Variants in NAV3 observed in about 807,000 individuals in gnomAD.
NAV3 encodes the protein pore membrane and/or filament interacting like protein 1.
Under a neutral mutation model 244.7 loss-of-function variants are expected in NAV3, and 87 were observed. That is an observed-to-expected ratio of 0.36 (90% CI 0.30 to 0.42). The LOEUF (loss-of-function observed/expected upper bound fraction) is 0.42. Ranked by LOEUF, NAV3 falls within the 20% of genes least tolerant of loss-of-function variation. The pLI is 1.00. For missense variants in NAV3, 2,663 were observed against 2,893.3 expected, an observed-to-expected ratio of 0.92 and a Z score of 1.83; for synonymous variants, 1,126 against 1,042.2, an observed-to-expected ratio of 1.08 and a Z score of -1.55.
chr12:77,866,897 C>A (rs61937401), intron 1 of NAV3, among the ~76,000 whole-genome samples: 1 of 152,148 alleles, frequency 6.6e-6, no homozygotes, highest in Non-Finnish European at 1.5e-5. Flanking sequence ...TACTTACTTT[C>A]ATCTTTAATG....
At chr12:77,983,609 T>C (rs1364946066) in intron 5 of NAV3, among the ~76,000 whole-genome samples, 2 of 152,084 alleles carry the variant, frequency 1.3e-5, no homozygotes, top group East Asian at 1.9e-4. Flanking sequence ...CTTAGCTATG[T>C]TTTATTGATT....
At chr12:77,962,887 G>T (rs1892154763) in intron 3 of NAV3, among the ~76,000 whole-genome samples, 1 of 152,030 alleles carries the variant, frequency 6.6e-6, no homozygotes, top group African/African-American at 2.4e-5. Flanking sequence ...GTGCATATTG[G>T]GTTGTGCTAT....
intron 2 of NAV3, among the ~76,000 whole-genome samples, chr12:77,658,710 A>G (rs552658410): frequency 0.039 from 5,927 of 152,096 alleles, 185 homozygotes; most frequent in African/African-American, 0.052. Context: ...TTCAAACTAT[A>G]CTACAAGGCT....
chr12:78,188,990 G>A (rs116538100), intron 33 of NAV3, among the ~76,000 whole-genome samples: 444 of 151,920 alleles, frequency 2.9e-3, no homozygotes, highest in African/African-American at 0.01. Context: ...AGTTCTTTGG[G>A]TTCTGGGATT....
intron 2 of NAV3, among the ~76,000 whole-genome samples, chr12:77,757,596 T>C (rs1202801868): frequency 6.6e-6 from 1 of 152,182 alleles, no homozygotes; most frequent in African/African-American, 2.4e-5. Flanking sequence ...CTATGCATAG[T>C]GAATAATTTT....
At chr12:78,145,478 G>A (rs1956828395) in intron 20 of NAV3, among the ~76,000 whole-genome samples, 1 of 152,160 alleles carries the variant, frequency 6.6e-6, no homozygotes, top group South Asian at 2.1e-4. Flanking sequence ...TTGTTTTTCA[G>A]CTTTGGATCT....
intron 3 of NAV3, among the ~76,000 whole-genome samples, chr12:77,941,863 C>T (rs1303275274): frequency 2.6e-5 from 4 of 151,934 alleles, no homozygotes; most frequent in East Asian, 1.9e-4. Flanking sequence ...GAATGACAGC[C>T]GAAATCCACA....
In NAV3 at chr12:77,842,790, A is replaced by G. The variant is rs181207130; in HGVS notation, c.243+11086A>G. On this transcript the variant is annotated intron_variant, in intron 1 of 39. Transcript: ENST00000397909. ...CATATAAAGAATATTACACCGAACA[A>G]TCTCTTTTTAAATGCAAGGTGAATT... 2.6e-5 allele frequency among the ~76,000 whole-genome samples: 4 copies of G among 152,160 alleles called. No individual in the cohort carries two copies. In the East Asian group the frequency reaches 7.7e-4, roughly 29 times the overall value.
intron 22 of NAV3, among the ~76,000 whole-genome samples, chr12:78,156,205 T>C (rs946605568): frequency 3.9e-5 from 6 of 152,166 alleles, no homozygotes; most frequent in African/African-American, 1.4e-4. Context: ...GTTTTAATTT[T>C]CTGTATATGG....
intron 22 of NAV3, among the ~76,000 whole-genome samples, chr12:78,153,872 A>G (rs537113369): frequency 9.9e-5 from 15 of 151,960 alleles, no homozygotes; most frequent in Admixed American, 7.9e-4. Context: ...GGTGCATATT[A>G]TTAATGAGAA....
At chr12:78,155,615 A>G (rs967187021) in intron 22 of NAV3, among the ~76,000 whole-genome samples, 16 of 152,082 alleles carry the variant, frequency 1.1e-4, no homozygotes, top group African/African-American at 2.4e-4. Context: ...GGTTGAACTA[A>G]TTTACTCTCC....
intron 2 of NAV3, among the ~76,000 whole-genome samples, chr12:77,616,049 G>A (rs940904711): frequency 2.0e-5 from 3 of 152,122 alleles, no homozygotes; most frequent in Admixed American, 2.0e-4. Context: ...TCATGTTGGA[G>A]TGTTTTTTCT....
At chr12:77,698,970 C>A (rs757537631) in intron 2 of NAV3, among the ~76,000 whole-genome samples, 18 of 152,068 alleles carry the variant, frequency 1.2e-4, no homozygotes, top group Non-Finnish European at 2.6e-4. Context: ...TGTTTCATCT[C>A]CACATAGTCT....
chr12:77,725,196 C>T (rs1876821923), intron 2 of NAV3, among the ~76,000 whole-genome samples: 1 of 151,772 alleles, frequency 6.6e-6, no homozygotes, highest in African/African-American at 2.4e-5. Context: ...TCCCAGATTC[C>T]AAATTTCACT....
At chr12:77,650,389 G>A (rs1030086518) in intron 2 of NAV3, among the ~76,000 whole-genome samples, 1 of 152,114 alleles carries the variant, frequency 6.6e-6, no homozygotes, top group Non-Finnish European at 1.5e-5. Context: ...AATAGTTGGA[G>A]AGACCAACAA....
intron 2 of NAV3, among the ~76,000 whole-genome samples, chr12:77,665,017 A>G (rs899468914): frequency 1.3e-5 from 2 of 152,094 alleles, no homozygotes; most frequent in Non-Finnish European, 2.9e-5. Context: ...GCAGGTGCAC[A>G]CCCCCTCGCC....
chr12:78,202,518 G>T (rs1378720528), intron 38 of NAV3, among the ~76,000 whole-genome samples: 1 of 151,876 alleles, frequency 6.6e-6, no homozygotes, highest in Admixed American at 6.6e-5. Flanking sequence ...AACATTATTT[G>T]GAGAATTATA....
At chr12:78,179,749 T>C (rs1958420468) in intron 29 of NAV3, 67 bp downstream of exon 29, 6 of 1,516,882 alleles carry the variant, frequency 4.0e-6, no homozygotes, top group Non-Finnish European at 8.9e-7. Flanking sequence ...TTCTGTTCTC[T>C]TGGTTAACAC....
At chr12:77,910,420 G>A (rs954964297) in intron 1 of NAV3, among the ~76,000 whole-genome samples, 1 of 152,068 alleles carries the variant, frequency 6.6e-6, no homozygotes, top group African/African-American at 2.4e-5. Flanking sequence ...CGTTCAGTAG[G>A]GATATGTCCC....
Sources: gnomAD v4.1 joint callset for allele counts (sites outside exome capture counted in the v4.1 genomes callset) on GRCh38, gnomAD v4.1.1 for gene constraint, MANE v1.5 for transcripts, NCBI Gene and HGNC (gene_info 2026-07-23, HGNC 2026-07-21) for gene names.